Variants in TSPAN33 observed in about 807,000 individuals in gnomAD.
The protein encoded by TSPAN33 is tetraspanin-33.
Under a neutral mutation model 34.8 loss-of-function variants are expected in TSPAN33, and 27 were observed. The ratio of observed to expected loss-of-function variants is 0.78; its 90% CI spans 0.57 to 1.07. TSPAN33 has a LOEUF of 1.07. Among genes scored for constraint, TSPAN33 ranks in the 50% least tolerant of loss-of-function variants. The probability of loss-of-function intolerance (pLI) is 0.00; values close to 1 mark genes in which losing one functional copy is unlikely to be tolerated. For synonymous variants in TSPAN33, 119 were observed against 124.2 expected (o/e 0.96, Z 0.28); for missense variants, 272 against 324.9 (o/e 0.84, Z 1.25).
rs1261872517 is a variant in TSPAN33, at chr7:129,148,138, G to A, written c.102+3056G>A. Reference sequence around the variant, plus strand: ...GTGCCTGCTTTCTCAGCTTGGCCATGTGTTGTCAGGAATATTCAGTGCCGC... The same window carrying A: ...GTGCCTGCTTTCTCAGCTTGGCCATATGTTGTCAGGAATATTCAGTGCCGC... On this transcript the variant is annotated intron_variant, in intron 1 of 7. Coordinates refer to ENST00000486685, the MANE Select transcript of TSPAN33 (RefSeq NM_178562.5). This position sits in a 1 kb window ranked among gnomAD's most constrained non-coding sequence, Gnocchi z 4.2. Among the ~76,000 whole-genome samples, 2 of 152,172 alleles carry A rather than the reference G, an allele frequency of 1.3e-5. No homozygotes were observed. Among genetic ancestry groups the A allele is most frequent in the Non-Finnish European group, 2.9e-5 (2 of 68,040 alleles).
Position 129,162,531 on chromosome 7 carries a change from C to T in TSPAN33, c.288+10C>T, listed in dbSNP as rs1246072761. The T allele has an allele frequency of 6.2e-7, 1 of 1,611,174 alleles. No homozygotes were observed. Among genetic ancestry groups the T allele is most frequent in the African/African-American group, 1.3e-5 (1 of 74,916 alleles). On this transcript the variant is annotated intron_variant, in intron 3 of 7. Coordinates refer to ENST00000486685, the MANE Select transcript of TSPAN33 (RefSeq NM_178562.5). Reference sequence around the variant, plus strand: ...CTGCCTCCTGCAGACGGTGAGTGGTCAAGGCCCCACTGGAAAGACCCTGGC... The same window carrying T: ...CTGCCTCCTGCAGACGGTGAGTGGTTAAGGCCCCACTGGAAAGACCCTGGC...
intron 3 of TSPAN33, 68 bp from the exon 4 acceptor site, chr7:129,162,765 C>T (rs1190353861): frequency 3.9e-6 from 6 of 1,554,776 alleles, no homozygotes; most frequent in Non-Finnish European, 5.3e-6. Context: ...TCCCAGCATC[C>T]CCTTGGCCCT....
Position 129,167,535 on chromosome 7 carries a change from T to G in TSPAN33, c.725T>G (p.Val242Gly). The change falls in exon 7 of 8, where the codon GTG (valine) becomes GGG (glycine). Residue 242 changes from valine (V) to glycine (G), a missense_variant. Transcript: ENST00000486685. This position sits in a 1 kb window ranked among gnomAD's most constrained non-coding sequence, Gnocchi z 4.6. ...AGCAACCTATTCTTACTTGGTGGTG[T>G]GGCTCTAGGCCTGGCCATCCCCCAG... ...IHSNLFLLGGVALGLAIPQLV... is the reference protein window; with the variant it reads ...IHSNLFLLGGGALGLAIPQLV... 1 of 1,614,166 alleles carries G rather than the reference T, an allele frequency of 6.2e-7. No individual in the cohort carries two copies. The highest frequency in any genetic ancestry group is 8.5e-7 in the Non-Finnish European group (1 of 1,179,996).
intron 1 of TSPAN33, among the ~76,000 whole-genome samples, chr7:129,154,943 A>G (rs972042207): frequency 3.9e-5 from 6 of 152,242 alleles, no homozygotes; most frequent in African/African-American, 1.4e-4. Flanking sequence ...AATATATTGA[A>G]GAGACATCTG....
At position 129,161,694 on chromosome 7, in the gene TSPAN33, A is replaced by C; in HGVS notation, c.118A>C (p.Met40Leu). 1.2e-6 allele frequency: 2 copies of C among 1,614,062 alleles called. No homozygotes were observed. The highest frequency in any genetic ancestry group is 1.1e-5 in the South Asian group (1 of 91,068). ...NMLFWVISMV[M>L]VAVGVYARLM... ...GTCTCCACAGGTGATTTCCATGGTG[A>C]TGGTGGCTGTGGGTGTCTACGCTCG... The change falls in exon 2 of 8, where the codon ATG becomes CTG. Residue 40 changes from methionine (M) to leucine (L), a missense_variant. By Grantham distance (15) the Met-to-Leu change is conservative. Coordinates refer to ENST00000486685, the MANE Select transcript of TSPAN33 (RefSeq NM_178562.5).
Position 129,167,584 on chromosome 7 carries a change from T to G in TSPAN33, c.750+24T>G. The G allele has an allele frequency of 6.2e-7, 1 of 1,611,040 alleles. No homozygotes were observed. Among genetic ancestry groups the G allele is most frequent in the Non-Finnish European group, 8.5e-7 (1 of 1,177,952 alleles). On this transcript the variant is annotated intron_variant, in intron 7 of 7. Coordinates refer to ENST00000486685, the MANE Select transcript of TSPAN33 (RefSeq NM_178562.5). The surrounding 1 kb of genome is among the most constrained non-coding windows in gnomAD (Gnocchi z 4.6). ...AGGTAACTTACCCTGTGAGACTTGTTGGTCCCACACACTCTGTAAAGACTC... is the reference window on the plus strand; with the variant it reads ...AGGTAACTTACCCTGTGAGACTTGTGGGTCCCACACACTCTGTAAAGACTC...
intron 1 of TSPAN33, among the ~76,000 whole-genome samples, chr7:129,155,725 T>C (rs1362687929): frequency 6.6e-6 from 1 of 152,096 alleles, no homozygotes; most frequent in East Asian, 1.9e-4. Context: ...CATTACTTTT[T>C]TCTTTCTTTT....
chr7:129,149,553 CAAA>C (rs996386835), intron 1 of TSPAN33, among the ~76,000 whole-genome samples: 1 of 150,238 alleles, frequency 6.7e-6, no homozygotes, highest in Non-Finnish European at 1.5e-5. Context: ...AACTCCGTCT[CAAA>C]AAAAAAGAAA....
Position 129,162,426 on chromosome 7 carries a change from G to A in TSPAN33, c.193G>A (p.Ala65Thr). Residue 65 changes from alanine to threonine, a missense_variant, in exon 3 of 8, where the codon GCC (alanine) becomes ACC (threonine). By Grantham distance (58) the Ala-to-Thr change is moderately conservative. Transcript: ENST00000486685. The part of the protein sequence containing the change: ...AALACLAVDP[A>T]ILLIVVGVLM... The stretch of plus-strand genomic sequence containing the variant: ...CCTAGCCTGCCTGGCAGTGGACCCT[G>A]CCATCCTGCTGATCGTGGTGGGTGT... 1.2e-6 allele frequency: 2 copies of A among 1,613,784 alleles called. No homozygotes were observed. Among genetic ancestry groups the A allele is most frequent in the Non-Finnish European group, 1.7e-6 (2 of 1,180,016 alleles).
chr7:129,167,693 G>T lies in TSPAN33; in HGVS notation c.751-80G>T, dbSNP rs1793163170. 1 of 1,568,686 alleles carries T rather than the reference G, an allele frequency of 6.4e-7. No homozygotes were observed. The highest frequency in any genetic ancestry group is 1.3e-5 in the African/African-American group (1 of 74,204). On this transcript the variant is annotated intron_variant, in intron 7 of 7. Coordinates refer to ENST00000486685, the MANE Select transcript of TSPAN33 (RefSeq NM_178562.5). This position sits in a 1 kb window ranked among gnomAD's most constrained non-coding sequence, Gnocchi z 4.6. Reference sequence around the variant, plus strand: ...AGGGGTAGGGAAAGGGATAGTGCTGGCCGCACTGGGAAGATCGAGCCAGGG... The same window carrying T: ...AGGGGTAGGGAAAGGGATAGTGCTGTCCGCACTGGGAAGATCGAGCCAGGG...
At chr7:129,151,710 T>G (rs540309192) in intron 1 of TSPAN33, among the ~76,000 whole-genome samples, 70 of 152,264 alleles carry the variant, frequency 4.6e-4, no homozygotes, top group Non-Finnish European at 9.3e-4. Flanking sequence ...CCCATGAACA[T>G]TAGTACCTGC....
At chr7:129,154,705 C>T (rs1013100984) in intron 1 of TSPAN33, among the ~76,000 whole-genome samples, 1 of 152,110 alleles carries the variant, frequency 6.6e-6, no homozygotes, top group Non-Finnish European at 1.5e-5. Context: ...CGCGCCATTG[C>T]ACTGCAGCCT....
At chr7:129,145,899 A>G (rs1388418536) in intron 1 of TSPAN33, among the ~76,000 whole-genome samples, 2 of 151,944 alleles carry the variant, frequency 1.3e-5, no homozygotes, top group Non-Finnish European at 2.9e-5. Flanking sequence ...AATCCAACCC[A>G]GTGTGATCAG....
In TSPAN33 at chr7:129,162,512, C is replaced by T. The variant is rs908590530; in HGVS notation, c.279C>T (p.Leu93=). ...CIGSLRENIC[L]LQTFSLCLTA... ...GGTCCCTCCGCGAGAACATCTGCCT[C>T]CTGCAGACGGTGAGTGGTCAAGGCC... The change falls in exon 3 of 8, where the codon CTC becomes CTT. Residue 93 remains leucine (L), a synonymous_variant. Coordinates refer to ENST00000486685, the MANE Select transcript of TSPAN33 (RefSeq NM_178562.5). The T allele has an allele frequency of 6.2e-7, 1 of 1,613,052 alleles. No homozygotes were observed.
intron 1 of TSPAN33, among the ~76,000 whole-genome samples, chr7:129,149,339 C>A (rs1810562292): frequency 6.6e-6 from 1 of 152,098 alleles, no homozygotes; most frequent in Non-Finnish European, 1.5e-5. Flanking sequence ...AGGTGGATCA[C>A]CTGAGGTAAG....
intron 4 of TSPAN33, 127 bp from the exon 5 acceptor site, chr7:129,164,347 G>C: frequency 2.4e-6 from 2 of 816,650 alleles, no homozygotes; most frequent in South Asian, 3.0e-5. Context: ...TCCACCATTA[G>C]GACTCGGTTC....
At chr7:129,162,953 A>T in intron 4 of TSPAN33, 46 bp downstream of exon 4, 1 of 1,572,650 alleles carries the variant, frequency 6.4e-7, no homozygotes, top group Non-Finnish European at 8.7e-7. Context: ...ACCCAGAGGG[A>T]GGAAGGAAGG....
chr7:129,145,094 G>C lies in TSPAN33; in HGVS notation c.102+12G>C. 1 of 690,354 alleles carries C rather than the reference G, an allele frequency of 1.4e-6. No homozygotes were observed. The highest frequency in any genetic ancestry group is 2.7e-6 in the Non-Finnish European group (1 of 373,652). 42.8% of individuals were successfully genotyped at this position (690,354 alleles called of 1,614,324 possible). A position where few individuals can be genotyped will look rare whatever the true frequency, so the allele number is the denominator to read the frequency against. Reference sequence around the variant, plus strand: ...ACATGCTCTTCTGGGTGAGTCTCGGGGTCGAGGGCACCTGGGCGGCGGGGT... The same window carrying C: ...ACATGCTCTTCTGGGTGAGTCTCGGCGTCGAGGGCACCTGGGCGGCGGGGT... On this transcript the variant is annotated intron_variant, in intron 1 of 7. Coordinates refer to ENST00000486685, the MANE Select transcript of TSPAN33 (RefSeq NM_178562.5).
intron 1 of TSPAN33, among the ~76,000 whole-genome samples, chr7:129,149,194 C>G (rs1330896238): frequency 6.6e-6 from 1 of 152,188 alleles, no homozygotes; most frequent in Non-Finnish European, 1.5e-5. Context: ...GTGCACACTT[C>G]TTAACTTCCC....
Sources: gnomAD v4.1 joint callset for allele counts (sites outside exome capture counted in the v4.1 genomes callset) on GRCh38, gnomAD v4.1.1 for gene constraint, Gnocchi (gnomAD v3.1) non-coding constraint, MANE v1.5 for transcripts, NCBI Gene and HGNC (gene_info 2026-07-23, HGNC 2026-07-21) for gene names.